FBXO22: variants seen among roughly 807,000 people sequenced by gnomAD.
The protein encoded by FBXO22 is F-box only protein 22.
FBXO22 carries 13 observed loss-of-function variants against 37.2 expected under a neutral mutation model. The observed-to-expected ratio is 0.35, with a 90% CI of 0.23 to 0.56. The LOEUF is 0.56. Ranked by LOEUF, FBXO22 falls within the 20% of genes least tolerant of loss-of-function variation. The pLI is 0.87. For synonymous variants in FBXO22, 189 were observed against 189.1 expected (o/e 1.00, Z 0.00); for missense variants, 446 against 509.9 (o/e 0.87, Z 1.21).
chr15:75,906,571 C>T (rs1398435011), intron 2 of FBXO22, among the ~76,000 whole-genome samples: 1 of 152,122 alleles, frequency 6.6e-6, no homozygotes, highest in African/African-American at 2.4e-5. Flanking sequence ...TGGTTCTCAT[C>T]ATTCTTAATG....
chr15:75,933,387 AAT>A lies in FBXO22; in HGVS notation c.*287_*288del. 1 of 342,326 alleles carries A rather than the reference AAT, an allele frequency of 2.9e-6. No homozygotes were observed. Among genetic ancestry groups the A allele is most frequent in the Non-Finnish European group, 5.4e-6 (1 of 186,480 alleles). 21.2% of individuals were successfully genotyped at this position (342,326 alleles called of 1,614,324 possible). A position where few individuals can be genotyped will look rare whatever the true frequency, so the allele number is the denominator to read the frequency against. ...GTAGCTGCTGTGTAACATGACCTTA[AAT>A]AGTCTTCCTGCATAGGAAGAGCAAA... On this transcript the variant is annotated 3_prime_UTR_variant, in exon 7 of 7. Transcript: ENST00000308275.
rs1567063949 is a variant in FBXO22 at position 75,941,746 on chromosome 15, CA to C, written c.*8645del. ...GTAGAACAAAGATTACGTTTTGTCA[CA>C]GGGAGCAGGAGGGAATGGGAATTTA... On this transcript the variant is annotated 3_prime_UTR_variant, in exon 7 of 7. Transcript: ENST00000308275. 2.2e-4 allele frequency: 33 copies of C among 151,924 alleles called. 1 individual carries two copies. The highest frequency in any genetic ancestry group is 5.8e-4 in the East Asian group (3 of 5,184). 9.4% of individuals were successfully genotyped at this position (151,924 alleles called of 1,614,324 possible). A position where few individuals can be genotyped will look rare whatever the true frequency, so the allele number is the denominator to read the frequency against.
chr15:75,913,816 A>G (rs1264843965), intron 3 of FBXO22, among the ~76,000 whole-genome samples: 2 of 152,236 alleles, frequency 1.3e-5, no homozygotes, highest in Non-Finnish European at 2.9e-5. Flanking sequence ...AGAAAGGTAC[A>G]ATAGCAAGTC....
rs2030603535 is a variant in FBXO22 at position 75,938,532 on chromosome 15, T to C, written c.*5430T>C. Reference sequence around the variant, plus strand: ...ACTAAAGGAAAACATGAACAAAGAATTAAAGAAATCAGGAAAATGATAAAT... The same window carrying C: ...ACTAAAGGAAAACATGAACAAAGAACTAAAGAAATCAGGAAAATGATAAAT... On this transcript the variant is annotated 3_prime_UTR_variant, in exon 7 of 7. Coordinates refer to ENST00000308275, the MANE Select transcript of FBXO22 (RefSeq NM_147188.3). The C allele has an allele frequency of 6.6e-6, 1 of 151,982 alleles. No individual in the cohort carries two copies. The highest frequency in any genetic ancestry group is 1.9e-4 in the East Asian group (1 of 5,190). 9.4% of individuals were successfully genotyped at this position (151,982 alleles called of 1,614,324 possible).
At chr15:75,906,603 C>T (rs1899934907) in intron 2 of FBXO22, among the ~76,000 whole-genome samples, 1 of 152,034 alleles carries the variant, frequency 6.6e-6, no homozygotes, top group Non-Finnish European at 1.5e-5. Flanking sequence ...TACATCAATG[C>T]CCCATATGTA....
At chr15:75,906,816 A>G (rs1395568794) in intron 2 of FBXO22, among the ~76,000 whole-genome samples, 1 of 152,180 alleles carries the variant, frequency 6.6e-6, no homozygotes, top group Non-Finnish European at 1.5e-5. Context: ...GATTTCCTCG[A>G]AAGTGTTCTC....
chr15:75,909,769 T>A (rs1254311827), intron 2 of FBXO22, among the ~76,000 whole-genome samples: 1 of 85,142 alleles, frequency 1.2e-5, no homozygotes, highest in African/African-American at 4.7e-5. Context: ...TTGGATGGGG[T>A]GATACTTTTT....
chr15:75,935,540 A>C lies in FBXO22; in HGVS notation c.*2438A>C, dbSNP rs1413691341. The C allele has an allele frequency of 6.6e-6, 1 of 151,710 alleles. No homozygotes were observed. Among genetic ancestry groups the C allele is most frequent in the African/African-American group, 2.4e-5 (1 of 41,242 alleles). 9.4% of individuals were successfully genotyped at this position (151,710 alleles called of 1,614,324 possible). A position where few individuals can be genotyped will look rare whatever the true frequency, so the allele number is the denominator to read the frequency against. On this transcript the variant is annotated 3_prime_UTR_variant, in exon 7 of 7. Transcript: ENST00000308275. ...ATTTCCATGCCCTTTGATCCAAGTA[A>C]AATCTAAGGAAGAGGGAAAGTAAAC...
Position 75,924,844 on chromosome 15 carries a change from C to G in FBXO22, c.629-5040C>G, listed in dbSNP as rs542184164. On this transcript the variant is annotated intron_variant, in intron 5 of 6. Transcript: ENST00000308275. ...TTGAGGTGGTTAGTTATATAGCAAA[C>G]AGTTGACTCACACCTGGGATCCTCC... 6.6e-5 allele frequency among the ~76,000 whole-genome samples: 10 copies of G among 152,318 alleles called. No individual in the cohort carries two copies. In the East Asian group the frequency reaches 1.7e-3, roughly 26 times the overall value.
chr15:75,918,712 C>G (rs746063272), intron 5 of FBXO22, among the ~76,000 whole-genome samples: 3 of 152,110 alleles, frequency 2.0e-5, no homozygotes, highest in Non-Finnish European at 2.9e-5. Context: ...ATGGATGAAC[C>G]TGGAGGATGT....
chr15:75,919,720 T>G (rs1403215633), intron 5 of FBXO22, among the ~76,000 whole-genome samples: 1 of 152,208 alleles, frequency 6.6e-6, no homozygotes, highest in African/African-American at 2.4e-5. Context: ...ACATGGGCCC[T>G]TCATCTGCAG....
At chr15:75,927,629 G>C (rs990858818) in intron 5 of FBXO22, among the ~76,000 whole-genome samples, 1 of 152,168 alleles carries the variant, frequency 6.6e-6, no homozygotes, top group African/African-American at 2.4e-5. Context: ...AATTTCGTGG[G>C]CTAGTCTATA....
intron 6 of FBXO22, 183 bp downstream of exon 6, chr15:75,930,232 A>G: frequency 1.4e-6 from 2 of 1,434,726 alleles, no homozygotes. Flanking sequence ...CGGTTGAATA[A>G]TTACATTTTT....
In FBXO22 at chr15:75,940,234, C is replaced by G. The variant is rs35031760; in HGVS notation, c.*7132C>G. On this transcript the variant is annotated 3_prime_UTR_variant, in exon 7 of 7. Transcript: ENST00000308275. ...TGAGAAGGAAATTACAAGAACAGTCCCATTTACCATAGCGTCAAAAAGAAT... is the reference window on the plus strand; with the variant it reads ...TGAGAAGGAAATTACAAGAACAGTCGCATTTACCATAGCGTCAAAAAGAAT... The G allele has an allele frequency of 0.23, 34,871 of 151,798 alleles. 4,824 individuals carry two copies. Among genetic ancestry groups the G allele is most frequent in the Non-Finnish European group, 0.31 (20,945 of 67,848 alleles). 9.4% of individuals were successfully genotyped at this position (151,798 alleles called of 1,614,324 possible).
chr15:75,906,642 G>A (rs1231746130), intron 2 of FBXO22, among the ~76,000 whole-genome samples: 1 of 151,978 alleles, frequency 6.6e-6, no homozygotes, highest in Non-Finnish European at 1.5e-5. Flanking sequence ...CCTTCCTTGG[G>A]TGGTCTTTCT....
intron 5 of FBXO22, 50 bp downstream of exon 5, chr15:75,917,444 GT>G (rs1377440016): frequency 5.0e-6 from 7 of 1,399,292 alleles, no homozygotes; most frequent in Admixed American, 2.3e-5. Flanking sequence ...GATTAATTTT[GT>G]TTTCTTTTTA....
In FBXO22 at chr15:75,941,558, G is replaced by A. The variant is rs570048076; in HGVS notation, c.*8456G>A. ...ACAGATGAATGGATAGACAAAATGT[G>A]TTATATCCATACAATGGAATATTAT... is the stretch of plus-strand genomic sequence containing the variant. On this transcript the variant is annotated 3_prime_UTR_variant, in exon 7 of 7. Coordinates refer to ENST00000308275, the MANE Select transcript of FBXO22 (RefSeq NM_147188.3). 9 of 152,136 alleles carry A rather than the reference G, an allele frequency of 5.9e-5. No homozygotes were observed. The highest frequency in any genetic ancestry group is 5.9e-4 in the Admixed American group (9 of 15,274). 9.4% of individuals were successfully genotyped at this position (152,136 alleles called of 1,614,324 possible). A position where few individuals can be genotyped will look rare whatever the true frequency, so the allele number is the denominator to read the frequency against.
intron 2 of FBXO22, 44 bp downstream of exon 2, chr15:75,904,673 G>T: frequency 6.5e-7 from 1 of 1,534,134 alleles, no homozygotes. Flanking sequence ...GCAGGTTGGT[G>T]GTTCAGTCTT....
In FBXO22 at chr15:75,933,999, C is replaced by T. The variant is rs2030165881; in HGVS notation, c.*897C>T. 6.5e-6 allele frequency: 1 copy of T among 154,132 alleles called. No individual in the cohort carries two copies. The highest frequency in any genetic ancestry group is 1.4e-5 in the Non-Finnish European group (1 of 69,318). 9.5% of individuals were successfully genotyped at this position (154,132 alleles called of 1,614,324 possible). ...TACAAATATCTAAATAAGAGATGTG[C>T]AGAGAGCACCAATTTTCCTTCAATA... On this transcript the variant is annotated 3_prime_UTR_variant, in exon 7 of 7. Transcript: ENST00000308275.
Sources: allele counts gnomAD v4.1 joint callset (sites outside exome capture counted in the v4.1 genomes callset), GRCh38; gene constraint gnomAD v4.1.1; transcripts MANE v1.5; gene names NCBI Gene and HGNC (gene_info 2026-07-23, HGNC 2026-07-21).